CSMD2: variants seen among roughly 807,000 people sequenced by gnomAD.
CSMD2 encodes the protein CUB and Sushi multiple domains 2.
A neutral mutation model predicts 398.5 loss-of-function variants in CSMD2; 130 were observed. The observed-to-expected ratio is 0.33, with a 90% CI of 0.28 to 0.38. The LOEUF is 0.38. Among genes scored for constraint, CSMD2 ranks in the 10% least tolerant of loss-of-function variants. The probability of loss-of-function intolerance (pLI) is 1.00; values close to 1 mark genes in which losing one functional copy is unlikely to be tolerated. For missense variants in CSMD2, 3,829 were observed against 4,764.9 expected (o/e 0.80, Z 5.78); for synonymous variants, 1,828 against 1,908.5 (o/e 0.96, Z 1.10).
intron 18 of CSMD2, 78 bp from the exon 19 acceptor site, chr1:33,724,391 C>T (rs1646457806): frequency 5.4e-6 from 8 of 1,491,348 alleles, no homozygotes; most frequent in Middle Eastern, 1.8e-4. Context: ...GGGACCCCAT[C>T]CCCCATCTCT....
chr1:33,689,026 AAAAG>A (rs1007275897), intron 25 of CSMD2, among the ~76,000 whole-genome samples: 1 of 150,692 alleles, frequency 6.6e-6, no homozygotes, highest in African/African-American at 2.4e-5. Flanking sequence ...GGAGAGGAGA[AAAAG>A]AGAGAGAGGG....
At chr1:34,043,752 G>C (rs1425412081) in intron 2 of CSMD2, among the ~76,000 whole-genome samples, 1 of 152,148 alleles carries the variant, frequency 6.6e-6, no homozygotes, top group East Asian at 1.9e-4. Flanking sequence ...TTTCAAGAGA[G>C]GTCTAAACAA....
chr1:33,656,056 A>T (rs1643935514), intron 27 of CSMD2, among the ~76,000 whole-genome samples: 1 of 150,362 alleles, frequency 6.7e-6, no homozygotes, highest in South Asian at 2.1e-4. Flanking sequence ...CCTGGGCCTC[A>T]ACAGAATTCC....
At chr1:33,861,787 G>A (rs571753843) in intron 5 of CSMD2, among the ~76,000 whole-genome samples, 1 of 152,284 alleles carries the variant, frequency 6.6e-6, no homozygotes, top group Admixed American at 6.5e-5. Flanking sequence ...ATAAAGAAAG[G>A]GGGCAATGCC....
At chr1:33,891,848 C>A (rs1304550291) in intron 5 of CSMD2, among the ~76,000 whole-genome samples, 1 of 131,920 alleles carries the variant, frequency 7.6e-6, no homozygotes, top group African/African-American at 2.9e-5. Context: ...AAATTGAACA[C>A]TGAGAACACA....
At chr1:33,748,056 G>A (rs917811785) in intron 13 of CSMD2, among the ~76,000 whole-genome samples, 1 of 152,094 alleles carries the variant, frequency 6.6e-6, no homozygotes, top group African/African-American at 2.4e-5. Context: ...TATTATACCT[G>A]GAAGGAGACA....
intron 3 of CSMD2, among the ~76,000 whole-genome samples, chr1:34,027,810 T>A (rs1649849776): frequency 6.6e-6 from 1 of 152,230 alleles, no homozygotes; most frequent in South Asian, 2.1e-4. Flanking sequence ...TAAATGTATA[T>A]TCATTGGAAT....
chr1:33,872,187 A>G (rs1488686904), intron 5 of CSMD2, among the ~76,000 whole-genome samples: 1 of 152,196 alleles, frequency 6.6e-6, no homozygotes, highest in Non-Finnish European at 1.5e-5. Context: ...TGTACCTAAT[A>G]AACTTAGTGA....
intron 1 of CSMD2, among the ~76,000 whole-genome samples, chr1:34,092,000 A>G (rs745907165): frequency 6.6e-6 from 1 of 152,238 alleles, no homozygotes; most frequent in Non-Finnish European, 1.5e-5. Context: ...TTATAAAGCT[A>G]TTATAGATAA....
At chr1:33,664,692 A>T (rs1644251360) in intron 25 of CSMD2, among the ~76,000 whole-genome samples, 1 of 152,052 alleles carries the variant, frequency 6.6e-6, no homozygotes, top group Admixed American at 6.5e-5. Flanking sequence ...AGTCCCAGCT[A>T]CTTGGGAGGC....
At position 34,015,875 on chromosome 1, in the gene CSMD2, T is replaced by C. The variant is rs562301263; in HGVS notation, c.517+16719A>G. 5.9e-5 allele frequency among the ~76,000 whole-genome samples: 9 copies of C among 152,194 alleles called. No individual in the cohort carries two copies. In the East Asian group the frequency reaches 1.7e-3, roughly 29 times the overall value. ...CAGCCAAGCTTCTCACACGAATAAA[T>C]CTTCAGCAGGAAAAGAATGTGGGTG... On this transcript the variant is annotated intron_variant, in intron 3 of 70. Transcript: ENST00000373381.
intron 3 of CSMD2, among the ~76,000 whole-genome samples, chr1:33,985,853 C>A (rs944854549): frequency 1.3e-5 from 2 of 152,122 alleles, no homozygotes; most frequent in African/African-American, 4.8e-5. Context: ...TCGCCCCACC[C>A]TTAGAGGAAT....
intron 57 of CSMD2, among the ~76,000 whole-genome samples, chr1:33,543,231 T>C (rs1006957163): frequency 4.6e-5 from 7 of 152,262 alleles, no homozygotes; most frequent in Non-Finnish European, 1.0e-4. Flanking sequence ...TTTTTAACAG[T>C]TGATTTGTTT....
chr1:34,009,076 G>A (rs1024461465), intron 3 of CSMD2, among the ~76,000 whole-genome samples: 1 of 151,912 alleles, frequency 6.6e-6, no homozygotes, highest in African/African-American at 2.4e-5. Flanking sequence ...TAACCACTTG[G>A]AGCCAGCTGC....
chr1:33,620,978 C>T (rs940620596), intron 37 of CSMD2, among the ~76,000 whole-genome samples: 1 of 152,098 alleles, frequency 6.6e-6, no homozygotes, highest in Non-Finnish European at 1.5e-5. Context: ...CATCTAGCAC[C>T]CAGTGGGCCT....
intron 13 of CSMD2, among the ~76,000 whole-genome samples, chr1:33,745,609 C>T (rs1359752021): frequency 1.3e-5 from 2 of 152,170 alleles, no homozygotes; most frequent in African/African-American, 4.8e-5. Flanking sequence ...CTGCCCAGCT[C>T]CCCATTTTCT....
intron 23 of CSMD2, among the ~76,000 whole-genome samples, chr1:33,699,468 A>G (rs1645534855): frequency 6.6e-6 from 1 of 152,192 alleles, no homozygotes; most frequent in Admixed American, 6.5e-5. Context: ...AATTATCTGC[A>G]TTTTACAACG....
intron 3 of CSMD2, among the ~76,000 whole-genome samples, chr1:34,011,197 C>G (rs1268769951): frequency 6.6e-6 from 1 of 152,180 alleles, no homozygotes; most frequent in Admixed American, 6.5e-5. Context: ...ATCCCCACTG[C>G]CTGGCACTGT....
At chr1:34,003,798 C>T (rs934469094) in intron 3 of CSMD2, among the ~76,000 whole-genome samples, 6 of 152,174 alleles carry the variant, frequency 3.9e-5, no homozygotes, top group Non-Finnish European at 7.3e-5. Flanking sequence ...CTGGCCTTTC[C>T]TCAAACAGAA....
Sources: gnomAD v4.1 joint callset for allele counts (sites outside exome capture counted in the v4.1 genomes callset) on GRCh38, gnomAD v4.1.1 for gene constraint, MANE v1.5 for transcripts, NCBI Gene and HGNC (gene_info 2026-07-23, HGNC 2026-07-21) for gene names.